The following GPX6 variants were observed in gnomAD, a reference collection of about 807,000 sequenced individuals.
The protein encoded by GPX6 is glutathione peroxidase 6.
A neutral mutation model predicts 20.0 loss-of-function variants in GPX6; 21 were observed. The ratio of observed to expected loss-of-function variants is 1.05; its 90% confidence interval spans 0.74 to 1.51. The LOEUF (loss-of-function observed/expected upper bound fraction) is 1.51. Among genes scored for constraint, GPX6 ranks in the 40% most tolerant of loss-of-function variants. The pLI is 0.00. For synonymous variants in GPX6, 75 were observed against 98.0 expected, an observed-to-expected ratio of 0.77 and a Z score of 1.38; for missense variants, 233 against 254.7, an observed-to-expected ratio of 0.91 and a Z score of 0.58.
chr6:28,509,365 C>CAAAAAAAAAAAAA (rs34508933), intron 2 of GPX6, among the ~76,000 whole-genome samples: 1 of 101,110 alleles, frequency 9.9e-6, no homozygotes, highest in Admixed American at 1.0e-4. Flanking sequence ...GCTAAAAATG[C>CAAAAAAAAAAAAA]AAAAAAAAAA....
chr6:28,511,200 C>T (rs1420950375), intron 1 of GPX6, among the ~76,000 whole-genome samples: 2 of 152,186 alleles, frequency 1.3e-5, no homozygotes, highest in Admixed American at 6.5e-5. Flanking sequence ...CATTCTCCCC[C>T]GACATCCTAA....
At chr6:28,512,891 C>T (rs1249375315) in intron 1 of GPX6, among the ~76,000 whole-genome samples, 3 of 152,154 alleles carry the variant, frequency 2.0e-5, no homozygotes, top group Admixed American at 6.5e-5. Flanking sequence ...TGCAGCTTCA[C>T]TCTTGAGCCA....
intron 1 of GPX6, among the ~76,000 whole-genome samples, chr6:28,513,147 A>C (rs186417856): frequency 8.0e-4 from 122 of 152,268 alleles, no homozygotes; most frequent in African/African-American, 2.9e-3. Context: ...GATGAGAGCT[A>C]CTTCCACTTA....
At chr6:28,508,331 T>C (rs1762827248) in intron 2 of GPX6, among the ~76,000 whole-genome samples, 1 of 152,218 alleles carries the variant, frequency 6.6e-6, no homozygotes, top group African/African-American at 2.4e-5. Context: ...GTTTGGGCTC[T>C]AATACCTAGG....
intron 4 of GPX6, among the ~76,000 whole-genome samples, chr6:28,504,948 C>T (rs760671580): frequency 2.0e-5 from 3 of 151,968 alleles, no homozygotes; most frequent in East Asian, 1.9e-4. Flanking sequence ...TGGATATTAA[C>T]GTAGAATCAC....
chr6:28,514,691 G>C (rs186558844), intron 1 of GPX6, among the ~76,000 whole-genome samples: 2 of 152,264 alleles, frequency 1.3e-5, no homozygotes, highest in African/African-American at 4.8e-5. Flanking sequence ...GAAAGTCTTG[G>C]GTGGGGCCCA....
At chr6:28,509,335 C>T (rs547476163) in intron 2 of GPX6, among the ~76,000 whole-genome samples, 16 of 136,074 alleles carry the variant, frequency 1.2e-4, no homozygotes, top group Non-Finnish European at 2.3e-4. Flanking sequence ...GCCTGGCCAA[C>T]ATGGCAAAAC....
At chr6:28,506,046 A>G (rs1762803073) in intron 3 of GPX6, among the ~76,000 whole-genome samples, 2 of 152,208 alleles carry the variant, frequency 1.3e-5, no homozygotes, top group African/African-American at 4.8e-5. Context: ...CTTCACTTCC[A>G]TTTCTTATTT....
intron 2 of GPX6, among the ~76,000 whole-genome samples, chr6:28,508,012 G>A (rs960063734): frequency 1.3e-5 from 2 of 152,210 alleles, no homozygotes; most frequent in Non-Finnish European, 2.9e-5. Flanking sequence ...GCTTGTATAT[G>A]CATAACAGAT....
intron 2 of GPX6, 120 bp downstream of exon 2, chr6:28,510,631 G>A (rs1490074766): frequency 3.4e-6 from 3 of 892,710 alleles, no homozygotes; most frequent in Admixed American, 4.6e-5. Flanking sequence ...TAGGGAGGTA[G>A]AGTCACCTGA....
intron 1 of GPX6, among the ~76,000 whole-genome samples, chr6:28,513,876 G>T (rs2113611152): frequency 6.6e-6 from 1 of 152,300 alleles, no homozygotes; most frequent in South Asian, 2.1e-4. Flanking sequence ...TTCTGAGTCT[G>T]TTACCACGAC....
chr6:28,506,840 A>G (rs34358978), intron 2 of GPX6, among the ~76,000 whole-genome samples: 8,848 of 152,118 alleles, frequency 0.058, 655 homozygotes, highest in African/African-American at 0.18. Context: ...AATTGTAAGG[A>G]AAAAGCAAAC....
intron 1 of GPX6, among the ~76,000 whole-genome samples, chr6:28,513,607 A>G (rs1410707137): frequency 6.6e-6 from 1 of 152,214 alleles, no homozygotes; most frequent in Non-Finnish European, 1.5e-5. Flanking sequence ...TTCATAAAAT[A>G]GCACAGAGCG....
Position 28,515,785 on chromosome 6 carries a change from G to A in GPX6, c.-42C>T. On this transcript the variant is annotated 5_prime_UTR_variant, in exon 1 of 5. Transcript: ENST00000361902. ...CGACTCTGAGGTCCCCAGGATTTCA[G>A]CCCCTTTTGAGCCCCTGGCAGGGAC... The A allele has an allele frequency of 6.5e-7, 1 of 1,547,874 alleles. No homozygotes were observed. Among genetic ancestry groups the A allele is most frequent in the Non-Finnish European group, 8.9e-7 (1 of 1,120,726 alleles).
Position 28,505,801 on chromosome 6 carries a change from A to G in GPX6, c.361T>C (p.Tyr121His), listed in dbSNP as rs1762801204. Residue 121 changes from tyrosine (Y) to histidine (H), a missense_variant and splice_region_variant, in exon 4 of 5, where the codon TAT becomes CAT. Coordinates refer to ENST00000361902, the MANE Select transcript of GPX6 (RefSeq NM_182701.1). Reference protein sequence around the residue: ...TNSEILLGLKYVCPGSGFVPS... With the variant: ...TNSEILLGLKHVCPGSGFVPS... ...ACAAAGCCACTACCTGGACACACAT[A>G]CCTGCAGTGAACCAAAGTTGTTCCC... is the stretch of plus-strand genomic sequence containing the variant. 6.2e-7 allele frequency: 1 copy of G among 1,613,220 alleles called. No individual in the cohort carries two copies. Among genetic ancestry groups the G allele is most frequent in the East Asian group, 2.2e-5 (1 of 44,870 alleles).
Position 28,503,462 on chromosome 6 carries a change from G to T in GPX6, c.*830C>A, listed in dbSNP as rs1331124794. The T allele has an allele frequency of 1.3e-5, 2 of 152,300 alleles. No homozygotes were observed. Among genetic ancestry groups the T allele is most frequent in the African/African-American group, 4.8e-5 (2 of 41,440 alleles). 9.4% of individuals were successfully genotyped at this position (152,300 alleles called of 1,614,324 possible). Reference sequence around the variant, plus strand: ...CTGGGAAAACACCACACAGAGCCAGGTTGCTGCAGAATTTTTAAATTTGAG... The same window carrying T: ...CTGGGAAAACACCACACAGAGCCAGTTTGCTGCAGAATTTTTAAATTTGAG... On this transcript the variant is annotated 3_prime_UTR_variant, in exon 5 of 5. Coordinates refer to ENST00000361902, the MANE Select transcript of GPX6 (RefSeq NM_182701.1).
intron 2 of GPX6, among the ~76,000 whole-genome samples, chr6:28,509,470 G>T (rs981668080): frequency 6.6e-6 from 1 of 152,076 alleles, no homozygotes; most frequent in Non-Finnish European, 1.5e-5. Context: ...GGAGGCAGAG[G>T]TTGCAGTGAG....
intron 4 of GPX6, among the ~76,000 whole-genome samples, 197 bp from the exon 5 acceptor site, chr6:28,504,695 G>A (rs747028370): frequency 5.9e-5 from 9 of 152,038 alleles, no homozygotes; most frequent in African/African-American, 9.7e-5. Context: ...CCAAATAACC[G>A]AGAGTTAGAG....
rs1044014201 is a variant in GPX6, at chr6:28,512,858, T to TTGCAGCTTCACTCTTGAGCCTC, written c.88-1976_88-1955dup. Reference sequence around the variant, plus strand: ...GAGCTGTAACACTGACCGCGAGGCTTTGCAGCTTCACTCTTGAGCCTCTGC... The same window carrying TTGCAGCTTCACTCTTGAGCCTC: ...GAGCTGTAACACTGACCGCGAGGCTTTGCAGCTTCACTCTTGAGCCTCTGCAGCTTCACTCTTGAGCCTCTGC... On this transcript the variant is annotated intron_variant, in intron 1 of 4. Coordinates refer to ENST00000361902, the MANE Select transcript of GPX6 (RefSeq NM_182701.1). Among the ~76,000 whole-genome samples, 3 of 151,802 alleles carry TTGCAGCTTCACTCTTGAGCCTC rather than the reference T, an allele frequency of 2.0e-5. 1 individual carries two copies. Among genetic ancestry groups the TTGCAGCTTCACTCTTGAGCCTC allele is most frequent in the Admixed American group, 1.3e-4 (2 of 15,278 alleles).
Sources: gnomAD v4.1 joint callset for allele counts (sites outside exome capture counted in the v4.1 genomes callset) on GRCh38, gnomAD v4.1.1 for gene constraint, MANE v1.5 for transcripts, NCBI Gene and HGNC (gene_info 2026-07-23, HGNC 2026-07-21) for gene names.